The following EHMT1 variants were observed in gnomAD, a reference collection of about 807,000 sequenced individuals.
EHMT1 encodes histone-lysine N-methyltransferase EHMT1.
Under a neutral mutation model 147.2 loss-of-function variants are expected in EHMT1, and 15 were observed. The ratio of observed to expected loss-of-function variants is 0.10; its 90% CI spans 0.07 to 0.16. EHMT1 has a LOEUF of 0.16. EHMT1 is among the 10% of genes least tolerant of loss of function. EHMT1 has a pLI of 1.00. For missense variants in EHMT1, 1,587 were observed against 1,772.4 expected, an observed-to-expected ratio of 0.90 and a Z score of 1.88; for synonymous variants, 795 against 709.6, an observed-to-expected ratio of 1.12 and a Z score of -1.91.
chr9:137,717,557 G>A (rs553462524), intron 3 of EHMT1, among the ~76,000 whole-genome samples: 8 of 143,972 alleles, frequency 5.6e-5, no homozygotes, highest in Admixed American at 2.2e-4. Context: ...AGTGAGCCCG[G>A]ATCACCTCAC....
At chr9:137,715,722 C>A (rs964610104) in intron 2 of EHMT1, 1 of 985,372 alleles carries the variant, frequency 1.0e-6, no homozygotes, top group Non-Finnish European at 1.2e-6. Flanking sequence ...GAGAGTGAGC[C>A]TCTGTAGGGA....
chr9:137,816,275 G>A (rs376506245), intron 23 of EHMT1: 16 of 614,852 alleles, frequency 2.6e-5, no homozygotes, highest in Non-Finnish European at 4.8e-5. Context: ...CACAGACTTC[G>A]GCATGAGAGA....
intron 1 of EHMT1, among the ~76,000 whole-genome samples, chr9:137,690,714 C>T (rs1233823445): frequency 2.0e-5 from 3 of 152,132 alleles, no homozygotes; most frequent in African/African-American, 4.8e-5. Flanking sequence ...GGATTACAGG[C>T]GTGTGCCACC....
rs531159475 is a variant in EHMT1 at position 137,753,717 on chromosome 9, T to A, written c.1249-454T>A. ...TTTAGAAGCAGATGCTTAAAACATATCTTGAAATATTATAAGTTAATTACA... is the reference window on the plus strand; with the variant it reads ...TTTAGAAGCAGATGCTTAAAACATAACTTGAAATATTATAAGTTAATTACA... On this transcript the variant is annotated intron_variant, in intron 7 of 26. Coordinates refer to ENST00000460843, the MANE Select transcript of EHMT1 (RefSeq NM_024757.5). 9.2e-5 allele frequency among the ~76,000 whole-genome samples: 14 copies of A among 152,320 alleles called. No homozygotes were observed. The South Asian group carries it at 2.5e-3, about 27-fold the overall frequency.
At chr9:137,802,603 C>T (rs1953588469) in intron 18 of EHMT1, 2 of 401,420 alleles carry the variant, frequency 5.0e-6, no homozygotes, top group Admixed American at 8.8e-5. Context: ...TGGGCACGGG[C>T]CCTTGCCATT....
chr9:137,643,246 G>A (rs967677831), intron 1 of EHMT1, among the ~76,000 whole-genome samples: 6 of 151,572 alleles, frequency 4.0e-5, no homozygotes, highest in African/African-American at 1.5e-4. Flanking sequence ...TATCCTGAAG[G>A]ACTCTTAGGT....
intron 1 of EHMT1, chr9:137,676,273 G>C (rs917219661): frequency 1.4e-5 from 2 of 140,958 alleles, no homozygotes; most frequent in African/African-American, 5.3e-5. Context: ...GTTTCACCGT[G>C]TCAGCCAGGA....
chr9:137,704,986 T>C (rs1284025952), intron 1 of EHMT1, among the ~76,000 whole-genome samples: 1 of 149,044 alleles, frequency 6.7e-6, no homozygotes, highest in Non-Finnish European at 1.5e-5. Context: ...TCTCTTCCTT[T>C]TCCATTTTCT....
intron 18 of EHMT1, among the ~76,000 whole-genome samples, chr9:137,807,470 TTTATTTAC>T (rs1297541258): frequency 7.8e-6 from 1 of 128,138 alleles, no homozygotes; most frequent in African/African-American, 3.0e-5. Context: ...TACCAATGGC[TTTATTTAC>T]TTATTTATTT....
In EHMT1 at chr9:137,780,059, TGTGGTG is replaced by T. The variant is rs1400092685; in HGVS notation, c.2275+343_2275+348del. 1.2e-3 allele frequency among the ~76,000 whole-genome samples: 186 copies of T among 151,480 alleles called. 2 individuals are homozygous for T. The highest frequency in any genetic ancestry group is 4.2e-3 in the African/African-American group (175 of 41,194). ...GATGTGTGGTGATGACGCTGAGATG[TGTGGTG>T]ATGACGCTGAGATGTATGGTGATGA... On this transcript the variant is annotated intron_variant, in intron 14 of 26. Coordinates refer to ENST00000460843, the MANE Select transcript of EHMT1 (RefSeq NM_024757.5).
intron 25 of EHMT1, among the ~76,000 whole-genome samples, chr9:137,821,483 A>G (rs1050207650): frequency 6.6e-6 from 1 of 151,944 alleles, no homozygotes; most frequent in East Asian, 1.9e-4. Context: ...GTGCACTACA[A>G]TGCCCGGCTA....
intron 25 of EHMT1, among the ~76,000 whole-genome samples, chr9:137,829,105 G>C (rs60972653): frequency 0.12 from 18,704 of 152,186 alleles, 3,746 homozygotes; most frequent in African/African-American, 0.42. Flanking sequence ...ACTGGAGCTC[G>C]TGCCGTGCGC....
chr9:137,824,084 TC>T (rs1955644563), intron 25 of EHMT1, among the ~76,000 whole-genome samples: 1 of 140,756 alleles, frequency 7.1e-6, no homozygotes, highest in East Asian at 1.9e-4. Context: ...GTGAAGATTT[TC>T]TCCTTTTTTT....
chr9:137,762,975 A>G, intron 10 of EHMT1, 155 bp downstream of exon 10: 1 of 928,296 alleles, frequency 1.1e-6, no homozygotes, highest in Non-Finnish European at 1.7e-6. Flanking sequence ...GCAGATCCCA[A>G]CAGTGAAATC....
At chr9:137,644,885 T>A (rs916379285) in intron 1 of EHMT1, among the ~76,000 whole-genome samples, 1 of 152,042 alleles carries the variant, frequency 6.6e-6, no homozygotes, top group Non-Finnish European at 1.5e-5. Context: ...TATTATTATT[T>A]TTTTTAAGAG....
At chr9:137,711,947 G>A (rs1564620678) in intron 2 of EHMT1, among the ~76,000 whole-genome samples, 1 of 152,180 alleles carries the variant, frequency 6.6e-6, no homozygotes, top group African/African-American at 2.4e-5. Flanking sequence ...CCCCTGCCGT[G>A]TTCTCCTTTC....
chr9:137,760,484 T>C (rs1411538358), intron 9 of EHMT1, among the ~76,000 whole-genome samples: 1 of 152,214 alleles, frequency 6.6e-6, no homozygotes, highest in African/African-American at 2.4e-5. Context: ...CTTCATCGTT[T>C]TCCTGGTCTT....
chr9:137,762,541 T>G (rs1258449687), intron 9 of EHMT1, 134 bp from the exon 10 acceptor site: 3 of 1,484,464 alleles, frequency 2.0e-6, no homozygotes, highest in Non-Finnish European at 1.8e-6. Flanking sequence ...CAGGGCTGTT[T>G]GTGCTGGGTA....
intron 1 of EHMT1, among the ~76,000 whole-genome samples, chr9:137,681,440 C>T (rs2134552326): frequency 6.6e-6 from 1 of 152,284 alleles, no homozygotes; most frequent in East Asian, 1.9e-4. Flanking sequence ...AGGAACTTGG[C>T]TTAATATATT....
Sources: allele counts gnomAD v4.1 joint callset (sites outside exome capture counted in the v4.1 genomes callset), GRCh38; gene constraint gnomAD v4.1.1; transcripts MANE v1.5; gene names NCBI Gene and HGNC (gene_info 2026-07-23, HGNC 2026-07-21).